Variants in KCNMA1 observed in about 807,000 individuals in gnomAD.
KCNMA1 encodes Calcium-activated potassium channel subunit alpha-1.
A neutral mutation model predicts 140.0 loss-of-function variants in KCNMA1; 29 were observed. The observed-to-expected ratio is 0.21, with a 90% CI of 0.15 to 0.28. The LOEUF (loss-of-function observed/expected upper bound fraction) is 0.28, where lower values mean the gene tolerates loss of function less well. KCNMA1 is among the 10% of genes least tolerant of loss of function. The pLI is 1.00. For missense variants in KCNMA1, 880 were observed against 1,602.2 expected, an observed-to-expected ratio of 0.55 and a Z score of 7.70; for synonymous variants, 612 against 611.9, an observed-to-expected ratio of 1.00 and a Z score of 0.00.
chr10:77,180,352 G>A (rs1598074913), intron 5 of KCNMA1, among the ~76,000 whole-genome samples: 1 of 152,292 alleles, frequency 6.6e-6, no homozygotes, highest in East Asian at 1.9e-4. Context: ...CATGTATTAA[G>A]TCAGATGAGA....
chr10:77,431,550 G>A (rs931699210), intron 1 of KCNMA1, among the ~76,000 whole-genome samples: 1 of 152,102 alleles, frequency 6.6e-6, no homozygotes, highest in Non-Finnish European at 1.5e-5. Context: ...GCTCCAGCCA[G>A]TCCAAAGAAT....
downstream of KCNMA1, among the ~76,000 whole-genome samples, chr10:76,883,729 T>TTTTG (rs199696970): frequency 5.0e-3 from 747 of 150,358 alleles, 22 homozygotes; most frequent in East Asian, 0.076. Context: ...TTGTTTTTTT[T>TTTTG]TTTTTTTTTT....
chr10:77,414,143 A>G (rs1176319500), intron 1 of KCNMA1, among the ~76,000 whole-genome samples: 2 of 152,150 alleles, frequency 1.3e-5, no homozygotes, highest in Non-Finnish European at 2.9e-5. Context: ...AAATGCAGGG[A>G]GCCATGTAAA....
chr10:77,082,163 G>A (rs1236622043), intron 12 of KCNMA1, among the ~76,000 whole-genome samples: 2 of 151,036 alleles, frequency 1.3e-5, no homozygotes, highest in Non-Finnish European at 3.0e-5. Context: ...TGAGTAACTG[G>A]GATTACAGGC....
chr10:76,871,870 T>C (rs896265610), exon 28 of KCNMA1: 1 of 152,230 alleles, frequency 6.6e-6, no homozygotes, highest in Non-Finnish European at 1.5e-5. Context: ...CTTTCTCTAA[T>C]GGTGCTTTGA....
chr10:77,238,339 T>C (rs992561692), intron 3 of KCNMA1, among the ~76,000 whole-genome samples: 2 of 152,150 alleles, frequency 1.3e-5, no homozygotes, highest in African/African-American at 4.8e-5. Context: ...GGTGGAATGA[T>C]TTTGGCTGGA....
chr10:77,516,603 C>T (rs1200761790), intron 1 of KCNMA1, among the ~76,000 whole-genome samples: 8 of 152,250 alleles, frequency 5.3e-5, no homozygotes, highest in Non-Finnish European at 1.2e-4. Flanking sequence ...TCCAAAAGCT[C>T]TGCATGCTGC....
chr10:77,348,008 C>T (rs901499047), intron 2 of KCNMA1, among the ~76,000 whole-genome samples: 15 of 152,190 alleles, frequency 9.9e-5, no homozygotes, highest in African/African-American at 2.9e-4. Flanking sequence ...TTGGGATTCA[C>T]ATGGTTGCAT....
intron 1 of KCNMA1, among the ~76,000 whole-genome samples, chr10:77,432,051 A>G (rs892161951): frequency 2.0e-5 from 3 of 151,458 alleles, no homozygotes; most frequent in African/African-American, 7.3e-5. Context: ...GCTTCGGGGC[A>G]GGAGAAGCAT....
chr10:77,148,480 C>G (rs570106060), intron 5 of KCNMA1, among the ~76,000 whole-genome samples: 2 of 152,024 alleles, frequency 1.3e-5, no homozygotes, highest in African/African-American at 4.8e-5. Flanking sequence ...AGATTTAGCT[C>G]TGTTTAATTC....
At chr10:76,981,662 C>T (rs997652701) in intron 19 of KCNMA1, among the ~76,000 whole-genome samples, 1 of 152,200 alleles carries the variant, frequency 6.6e-6, no homozygotes, top group African/African-American at 2.4e-5. Context: ...ACTTGACCAC[C>T]CTTGAAGGGA....
intron 14 of KCNMA1, among the ~76,000 whole-genome samples, chr10:77,068,545 T>C (rs1483748216): frequency 6.6e-6 from 1 of 152,020 alleles, no homozygotes; most frequent in Non-Finnish European, 1.5e-5. Flanking sequence ...TGTATTGTTA[T>C]CGATATTAAG....
chr10:77,452,489 A>G (rs2097681430), intron 1 of KCNMA1, among the ~76,000 whole-genome samples: 1 of 152,254 alleles, frequency 6.6e-6, no homozygotes, highest in African/African-American at 2.4e-5. Context: ...TGATTTATTT[A>G]TAATTGACAA....
At chr10:77,286,591 T>C (rs769913139) in intron 2 of KCNMA1, among the ~76,000 whole-genome samples, 2 of 152,180 alleles carry the variant, frequency 1.3e-5, no homozygotes, top group African/African-American at 2.4e-5. Context: ...ACTTCCAAAA[T>C]TCCCATGGAA....
At chr10:77,371,416 A>G (rs1566346698) in intron 2 of KCNMA1, among the ~76,000 whole-genome samples, 1 of 152,096 alleles carries the variant, frequency 6.6e-6, no homozygotes, top group Non-Finnish European at 1.5e-5. Flanking sequence ...GAGCCCCACA[A>G]GTTTCCCCCC....
rs567333425 is a variant in KCNMA1, at chr10:77,309,886, T to C, written c.541-58630A>G. On this transcript the variant is annotated intron_variant, in intron 2 of 27. Transcript: ENST00000286628. ...CATCTATAATTTGCAGGTTGAATGA[T>C]ACCTGAGGCTCTGTGATTGCTTGAG... 4.7e-4 allele frequency among the ~76,000 whole-genome samples: 72 copies of C among 152,300 alleles called. 1 individual carries two copies. Among genetic ancestry groups the C allele is most frequent in the African/African-American group, 1.7e-3 (69 of 41,566 alleles).
At chr10:77,318,303 A>G (rs184608906) in intron 2 of KCNMA1, among the ~76,000 whole-genome samples, 1 of 152,326 alleles carries the variant, frequency 6.6e-6, no homozygotes, top group African/African-American at 2.4e-5. Flanking sequence ...GCCAATTTAC[A>G]GAGTTGAAAA....
intron 1 of KCNMA1, among the ~76,000 whole-genome samples, chr10:77,462,770 G>A (rs1304221504): frequency 6.6e-6 from 1 of 152,208 alleles, no homozygotes; most frequent in Non-Finnish European, 1.5e-5. Context: ...ACGGATGAAT[G>A]AAGTCGTCTC....
chr10:77,297,493 G>C (rs2075480597), intron 2 of KCNMA1, among the ~76,000 whole-genome samples: 1 of 152,160 alleles, frequency 6.6e-6, no homozygotes, highest in South Asian at 2.1e-4. Context: ...CTCCATGGTT[G>C]TCATGCATGG....
Sources: allele counts gnomAD v4.1 joint callset (sites outside exome capture counted in the v4.1 genomes callset), GRCh38; gene constraint gnomAD v4.1.1; transcripts MANE v1.5; gene names NCBI Gene and HGNC (gene_info 2026-07-23, HGNC 2026-07-21).